Variants in LRP1B observed in about 807,000 individuals in gnomAD.
The protein encoded by LRP1B is LDL receptor related protein 1B.
LRP1B carries 217 observed loss-of-function variants against 556.6 expected under a neutral mutation model. The observed-to-expected ratio is 0.39, with a 90% confidence interval of 0.35 to 0.44. LRP1B has a LOEUF of 0.44. LRP1B is among the 20% of genes least tolerant of loss of function. The pLI is 1.00. For missense variants in LRP1B, 5,053 were observed against 5,620.8 expected (o/e 0.90, Z 3.23); for synonymous variants, 2,047 against 1,865.8 (o/e 1.10, Z -2.50).
intron 3 of LRP1B, among the ~76,000 whole-genome samples, chr2:141,373,922 T>C (rs1366339575): frequency 6.6e-6 from 1 of 152,202 alleles, no homozygotes; most frequent in African/African-American, 2.4e-5. Flanking sequence ...TTTTTCTTCC[T>C]CTTTTGTGAG....
At chr2:141,937,116 G>A (rs1277834152) in intron 1 of LRP1B, among the ~76,000 whole-genome samples, 1 of 152,044 alleles carries the variant, frequency 6.6e-6, no homozygotes, top group Non-Finnish European at 1.5e-5. Context: ...TGTGCCAGGC[G>A]AGGTGGCTCA....
chr2:140,475,048 TGA>T, intron 60 of LRP1B, 88 bp downstream of exon 60: 1 of 506,848 alleles, frequency 2.0e-6, no homozygotes, highest in Non-Finnish European at 3.0e-6. Flanking sequence ...ATATGTTTTA[TGA>T]GAGAAAGCAT....
intron 2 of LRP1B, among the ~76,000 whole-genome samples, chr2:141,677,614 C>A (rs1690935345): frequency 6.6e-6 from 1 of 152,076 alleles, no homozygotes; most frequent in African/African-American, 2.4e-5. Flanking sequence ...CTCAGCCTCC[C>A]TAGTAGCTGG....
intron 66 of LRP1B, among the ~76,000 whole-genome samples, chr2:140,427,336 C>T (rs1685706703): frequency 6.6e-6 from 1 of 152,098 alleles, no homozygotes; most frequent in Non-Finnish European, 1.5e-5. Flanking sequence ...CTGCTCCCCA[C>T]CCCCCTTCTC....
intron 7 of LRP1B, among the ~76,000 whole-genome samples, chr2:141,063,782 C>G (rs527749638): frequency 6.6e-6 from 1 of 151,998 alleles, no homozygotes; most frequent in African/African-American, 2.4e-5. Context: ...CTACATGAAA[C>G]TTTTTCTCAC....
At chr2:142,107,779 C>T (rs1195869592) in intron 1 of LRP1B, among the ~76,000 whole-genome samples, 1 of 149,564 alleles carries the variant, frequency 6.7e-6, no homozygotes. Context: ...AGGCACCCAC[C>T]ACCACGCCTA....
chr2:141,690,194 T>A (rs1387476337), intron 2 of LRP1B, among the ~76,000 whole-genome samples: 1 of 151,348 alleles, frequency 6.6e-6, no homozygotes, highest in Non-Finnish European at 1.5e-5. Context: ...TCTTCATCTT[T>A]CAAATATTTA....
intron 3 of LRP1B, among the ~76,000 whole-genome samples, chr2:141,461,215 C>T (rs1481225993): frequency 6.6e-6 from 1 of 152,006 alleles, no homozygotes; most frequent in Non-Finnish European, 1.5e-5. Context: ...AGGAAGAAAA[C>T]CAAGAGACTG....
intron 4 of LRP1B, among the ~76,000 whole-genome samples, chr2:141,250,281 A>G (rs981408802): frequency 6.6e-6 from 1 of 152,180 alleles, no homozygotes; most frequent in Non-Finnish European, 1.5e-5. Context: ...AGGTAGTCTC[A>G]GACTGGGGGC....
At chr2:140,315,176 A>G in intron 82 of LRP1B, 77 bp from the exon 83 acceptor site, 1 of 961,068 alleles carries the variant, frequency 1.0e-6, no homozygotes, top group South Asian at 2.1e-5. Context: ...TAGATACAAT[A>G]TTTAAATACT....
At chr2:140,707,467 G>T (rs1440008007) in intron 37 of LRP1B, among the ~76,000 whole-genome samples, 1 of 152,072 alleles carries the variant, frequency 6.6e-6, no homozygotes, top group Non-Finnish European at 1.5e-5. Flanking sequence ...CTTTACATGA[G>T]CATAAGCTTT....
intron 67 of LRP1B, among the ~76,000 whole-genome samples, chr2:140,379,871 G>T (rs575440880): frequency 2.6e-5 from 4 of 152,204 alleles, no homozygotes; most frequent in Admixed American, 2.0e-4. Context: ...CCCTTAAGTG[G>T]ATAATCTTCT....
At chr2:141,554,274 T>C (rs112314127) in intron 2 of LRP1B, among the ~76,000 whole-genome samples, 40,783 of 104,082 alleles carry the variant, frequency 0.39, 6,858 homozygotes, top group East Asian at 0.69. Flanking sequence ...TATATATATC[T>C]ATAGGAATAG....
At chr2:141,268,429 T>C (rs1282471010) in intron 3 of LRP1B, among the ~76,000 whole-genome samples, 1 of 152,020 alleles carries the variant, frequency 6.6e-6, no homozygotes, top group Non-Finnish European at 1.5e-5. Flanking sequence ...ATGAGAGAGA[T>C]GATGGTCAGG....
intron 2 of LRP1B, among the ~76,000 whole-genome samples, chr2:141,789,155 GT>G (rs1415896411): frequency 3.9e-5 from 6 of 151,970 alleles, no homozygotes; most frequent in Non-Finnish European, 5.9e-5. Context: ...CACCAACAGT[GT>G]ATTATTCTTT....
At chr2:141,260,026 T>A (rs1684627164) in intron 3 of LRP1B, among the ~76,000 whole-genome samples, 1 of 152,192 alleles carries the variant, frequency 6.6e-6, no homozygotes, top group Non-Finnish European at 1.5e-5. Context: ...TTAGAAGCGT[T>A]TTCTCTTTTA....
intron 29 of LRP1B, among the ~76,000 whole-genome samples, chr2:140,848,166 A>G (rs1410242714): frequency 6.6e-6 from 1 of 152,216 alleles, no homozygotes; most frequent in Non-Finnish European, 1.5e-5. Flanking sequence ...CAATCTTCAG[A>G]GACACCTAAT....
intron 1 of LRP1B, among the ~76,000 whole-genome samples, chr2:142,104,437 G>A (rs189541697): frequency 3.3e-5 from 5 of 152,196 alleles, no homozygotes; most frequent in African/African-American, 9.6e-5. Flanking sequence ...TGGCATGAAG[G>A]AAACTGGCAC....
chr2:140,652,147 ATAT>A (rs949395215), intron 41 of LRP1B, among the ~76,000 whole-genome samples: 19 of 152,232 alleles, frequency 1.2e-4, no homozygotes, highest in Admixed American at 8.5e-4. Context: ...AGATAAGGAA[ATAT>A]TATAGGAAAT....
Sources: gnomAD v4.1 joint callset for allele counts (sites outside exome capture counted in the v4.1 genomes callset) on GRCh38, gnomAD v4.1.1 for gene constraint, MANE v1.5 for transcripts, NCBI Gene and HGNC (gene_info 2026-07-23, HGNC 2026-07-21) for gene names.